The following SSX1 variants were observed in gnomAD, a reference collection of about 807,000 sequenced individuals.
The protein encoded by SSX1 is SSX family member 1.
Under a neutral mutation model 14.6 loss-of-function variants are expected in SSX1, and 58 were observed. The observed-to-expected ratio is 3.96, with a 90% CI of 3.21 to 4.93. The LOEUF is 4.93. SSX1 is among the 30% of genes most tolerant of loss of function. SSX1 has a pLI of 0.00. For missense variants in SSX1, 272 were observed against 143.1 expected, an observed-to-expected ratio of 1.90 and a Z score of -4.60; for synonymous variants, 46 against 52.1, an observed-to-expected ratio of 0.88 and a Z score of 0.50.
Position 48,267,401 on chromosome X carries a change from C to G in SSX1, c.*552C>G, listed in dbSNP as rs2059628698. 6.0e-6 allele frequency: 1 copy of G among 165,681 alleles called. No individual in the cohort carries two copies. Among genetic ancestry groups the G allele is most frequent in the African/African-American group, 3.1e-5 (1 of 32,765 alleles). The allele number at this position is 165,681 out of a possible 1,213,427, so 13.7% of individuals were successfully genotyped here. A position where few individuals can be genotyped will look rare whatever the true frequency, so the allele number is the denominator to read the frequency against. On this transcript the variant is annotated 3_prime_UTR_variant, in exon 8 of 8. Coordinates refer to ENST00000376919, the MANE Select transcript of SSX1 (RefSeq NM_005635.4). The stretch of plus-strand genomic sequence containing the variant: ...AGCATGTACTCCCCTCATCCGATTC[C>G]CCTGTATCAGTCACTGACAGTTAAT...
chrX:48,258,312 G>A (rs1418954969), intron 3 of SSX1, among the ~76,000 whole-genome samples: 17 of 103,698 alleles, frequency 1.6e-4, no homozygotes, highest in African/African-American at 5.7e-4. Context: ...CTGCCCAGCC[G>A]ATGGAGTAGC....
rs782816656 is a variant in SSX1, at chrX:48,266,270, A to G, written c.467-17A>G. On this transcript the variant is annotated splice_polypyrimidine_tract_variant and intron_variant, in intron 6 of 7. Coordinates refer to ENST00000376919, the MANE Select transcript of SSX1 (RefSeq NM_005635.4). The stretch of plus-strand genomic sequence containing the variant: ...CAACGTACCCAACCCTCATCTTCCA[A>G]CTCTTCTCCATCATAGGACCCAAAA... 115 of 1,207,355 alleles carry G rather than the reference A, an allele frequency of 9.5e-5. No individual in the cohort carries two copies. The highest frequency in any genetic ancestry group is 1.2e-4 in the Non-Finnish European group (106 of 894,820).
chrX:48,257,817 CTA>C lies in SSX1; in HGVS notation c.143_144del (p.Tyr48CysfsTer8), dbSNP rs2059588392. 8.3e-7 allele frequency: 1 copy of C among 1,203,412 alleles called. No individual in the cohort carries two copies. The highest frequency in any genetic ancestry group is 2.2e-5 in the Admixed American group (1 of 45,139). On this transcript the variant is annotated frameshift_variant, in exon 3 of 8. Transcript: ENST00000376919. LOFTEE classifies it high-confidence loss of function. ...KKMKYSEKIS[Y>X]VYMKRNYKAM... ...AGATGAAATACTCGGAGAAAATCAG[CTA>C]TGTGTATATGAAGAGAAACTATAAG...
At chrX:48,257,703 T>C (rs1556934621) in intron 2 of SSX1, 43 bp from the exon 3 acceptor site, 2 of 1,168,506 alleles carry the variant, frequency 1.7e-6, no homozygotes, top group Non-Finnish European at 1.2e-6. Context: ...ATGGCAGACA[T>C]ACCTAGCTGA....
intron 6 of SSX1, 24 bp from the exon 7 acceptor site, chrX:48,266,263 T>C (rs782745505): frequency 1.5e-5 from 18 of 1,207,741 alleles, no homozygotes; most frequent in South Asian, 3.5e-5. Flanking sequence ...CCAACCCTCA[T>C]CTTCCAACTC....
intron 4 of SSX1, among the ~76,000 whole-genome samples, chrX:48,261,242 C>T (rs2059602740): frequency 8.9e-6 from 1 of 112,117 alleles, no homozygotes; most frequent in African/African-American, 3.2e-5. Flanking sequence ...AATCAACCAT[C>T]TCCCACAATC....
chrX:48,259,109 G>A (rs1193488224), intron 4 of SSX1, among the ~76,000 whole-genome samples: 1 of 111,489 alleles, frequency 9.0e-6, no homozygotes, highest in African/African-American at 3.3e-5. Flanking sequence ...CGATTCTCCT[G>A]CCTCAGCCTC....
At chrX:48,264,189 C>T (rs1223038716) in intron 6 of SSX1, among the ~76,000 whole-genome samples, 3 of 112,145 alleles carry the variant, frequency 2.7e-5, no homozygotes, top group Admixed American at 9.5e-5. Flanking sequence ...AATCATAGTT[C>T]GTAAATTGTT....
Position 48,266,847 on chromosome X carries a change from G to T in SSX1, c.*5-7G>T. The T allele has an allele frequency of 1.9e-6, 2 of 1,034,442 alleles. 1 individual carries two copies. The highest frequency in any genetic ancestry group is 3.8e-5 in the South Asian group (2 of 53,254). The allele number at this position is 1,034,442 out of a possible 1,213,427, so 85.2% of individuals were successfully genotyped here. Reference sequence around the variant, plus strand: ...TCACTTACTTTCCTTCCCTCTTCTCGCCTCAGCCTGGGGGATACGACACAT... The same window carrying T: ...TCACTTACTTTCCTTCCCTCTTCTCTCCTCAGCCTGGGGGATACGACACAT... On this transcript the variant is annotated splice_region_variant and splice_polypyrimidine_tract_variant and intron_variant, in intron 7 of 7. Transcript: ENST00000376919.
At position 48,265,610 on chromosome X, in the gene SSX1, A is replaced by C. The variant is rs782550787; in HGVS notation, c.467-677A>C. The stretch of plus-strand genomic sequence containing the variant: ...CACAACAGGGTGACTATAGTCAATA[A>C]TAACTTAATCGTACATTTAAAAATA... On this transcript the variant is annotated intron_variant, in intron 6 of 7. Coordinates refer to ENST00000376919, the MANE Select transcript of SSX1 (RefSeq NM_005635.4). Among the ~76,000 whole-genome samples the C allele has an allele frequency of 3.7e-3, 417 of 111,820 alleles. 1 individual carries two copies. The highest frequency in any genetic ancestry group is 0.02 in the South Asian group (54 of 2,651).
At chrX:48,262,257 A>G (rs112696718) in intron 5 of SSX1, among the ~76,000 whole-genome samples, 2,648 of 112,474 alleles carry the variant, frequency 0.024, 92 homozygotes, top group African/African-American at 0.081. Flanking sequence ...CAGCAACATA[A>G]TAATAAAATG....
intron 1 of SSX1, among the ~76,000 whole-genome samples, chrX:48,255,930 C>T (rs1556934230): frequency 2.0e-4 from 16 of 81,984 alleles, no homozygotes; most frequent in Admixed American, 2.8e-4. Flanking sequence ...AACCAGGTTT[C>T]ACTATGTTGG....
intron 5 of SSX1, 103 bp from the exon 6 acceptor site, chrX:48,263,679 G>A: frequency 9.2e-7 from 1 of 1,088,615 alleles, no homozygotes; most frequent in Non-Finnish European, 1.3e-6. Context: ...CCGCGTTGTT[G>A]AGAACATTCA....
chrX:48,262,857 C>G (rs1382319974), intron 5 of SSX1, among the ~76,000 whole-genome samples: 3 of 111,189 alleles, frequency 2.7e-5, no homozygotes, highest in African/African-American at 9.8e-5. Flanking sequence ...GCTTAAGGGC[C>G]GGGCGCGGGG....
chrX:48,256,922 AC>A (rs2059584070), intron 1 of SSX1, among the ~76,000 whole-genome samples: 1 of 109,985 alleles, frequency 9.1e-6, no homozygotes, highest in Non-Finnish European at 1.9e-5. Context: ...AAGGGTCTGT[AC>A]ATCTTTCAGG....
At position 48,257,858 on chromosome X, in the gene SSX1, T is replaced by A. The variant is rs782324489; in HGVS notation, c.182T>A (p.Leu61Gln). The A allele has an allele frequency of 1.1e-5, 13 of 1,143,208 alleles. No individual in the cohort carries two copies. The highest frequency in any genetic ancestry group is 1.8e-5 in the African/African-American group (1 of 55,440). 94.2% of individuals were successfully genotyped at this position (1,143,208 alleles called of 1,213,427 possible). A position where few individuals can be genotyped will look rare whatever the true frequency, so the allele number is the denominator to read the frequency against. Residue 61 changes from leucine to glutamine, a missense_variant and splice_region_variant, in exon 3 of 8, where the codon CTA becomes CAA. Transcript: ENST00000376919. Reference protein sequence around the residue: ...MKRNYKAMTKLGFKVTLPPFM... With the variant: ...MKRNYKAMTKQGFKVTLPPFM... ...AGAAACTATAAGGCCATGACTAAAC[T>A]AGGTAACAGAAAGTTCTAGGAACAG... is the stretch of plus-strand genomic sequence containing the variant.
At chrX:48,255,894 C>A (rs1243296061) in intron 1 of SSX1, among the ~76,000 whole-genome samples, 5 of 77,538 alleles carry the variant, frequency 6.4e-5, no homozygotes, top group Admixed American at 4.5e-4. Context: ...CCTGCCCATG[C>A]TTTTTTTTTT....
intron 5 of SSX1, among the ~76,000 whole-genome samples, chrX:48,262,125 G>C (rs2059606111): frequency 8.9e-6 from 1 of 111,955 alleles, no homozygotes; most frequent in African/African-American, 3.2e-5. Flanking sequence ...CACACACTTC[G>C]GTTGTCATCC....
chrX:48,257,019 A>G lies in SSX1; in HGVS notation c.-20-203A>G, dbSNP rs150908899. Among the ~76,000 whole-genome samples the G allele has an allele frequency of 6.8e-3, 750 of 110,833 alleles. 10 individuals carry two copies. The highest frequency in any genetic ancestry group is 0.051 in the Admixed American group (529 of 10,386). ...GGCTGCTAGGAAACCTGTCATCCCC[A>G]AGCAATACTTCTCCCAGAGACTCCA... On this transcript the variant is annotated intron_variant, in intron 1 of 7. Coordinates refer to ENST00000376919, the MANE Select transcript of SSX1 (RefSeq NM_005635.4).
Sources: allele counts gnomAD v4.1 joint callset (sites outside exome capture counted in the v4.1 genomes callset), GRCh38; gene constraint gnomAD v4.1.1; transcripts MANE v1.5; gene names NCBI Gene and HGNC (gene_info 2026-07-23, HGNC 2026-07-21).